LRCH1: variants seen among roughly 807,000 people sequenced by gnomAD.
The protein encoded by LRCH1 is leucine-rich repeat and calponin homology domain-containing protein 1.
LRCH1 carries 23 observed loss-of-function variants against 94.9 expected under a neutral mutation model. The ratio of observed to expected loss-of-function variants is 0.24; its 90% CI spans 0.17 to 0.34. The LOEUF is 0.34. LRCH1 is among the 10% of genes least tolerant of loss of function. The probability of loss-of-function intolerance (pLI) is 1.00; values close to 1 mark genes in which losing one functional copy is unlikely to be tolerated. For missense variants in LRCH1, 790 were observed against 945.9 expected (o/e 0.84, Z 2.16); for synonymous variants, 364 against 354.9 (o/e 1.03, Z -0.29).
chr13:46,555,290 C>A (rs1594239873), intron 1 of LRCH1, among the ~76,000 whole-genome samples: 1 of 152,134 alleles, frequency 6.6e-6, no homozygotes, highest in African/African-American at 2.4e-5. Context: ...TAGAGTGTAC[C>A]GTGAGCTAGC....
At chr13:46,603,887 C>A (rs1234321117) in intron 1 of LRCH1, among the ~76,000 whole-genome samples, 1 of 152,258 alleles carries the variant, frequency 6.6e-6, no homozygotes, top group Non-Finnish European at 1.5e-5. Flanking sequence ...GAACTCCTGG[C>A]CTCAAGCAAT....
intron 1 of LRCH1, among the ~76,000 whole-genome samples, chr13:46,613,343 T>C (rs1481761279): frequency 6.6e-6 from 1 of 151,624 alleles, no homozygotes; most frequent in Non-Finnish European, 1.5e-5. Context: ...TGAGCCAAGA[T>C]TGCGGCTGCA....
chr13:46,702,568 G>A (rs1336109198), intron 11 of LRCH1, among the ~76,000 whole-genome samples: 2 of 152,106 alleles, frequency 1.3e-5, no homozygotes, highest in African/African-American at 4.8e-5. Flanking sequence ...TTCAAGTGGA[G>A]GTAAAAAGGA....
At chr13:46,623,293 G>A (rs2050902177) in intron 1 of LRCH1, among the ~76,000 whole-genome samples, 1 of 152,156 alleles carries the variant, frequency 6.6e-6, no homozygotes, top group South Asian at 2.1e-4. Flanking sequence ...ATTAGAATGT[G>A]TAGACTGAGT....
chr13:46,672,309 G>T (rs1329741004), intron 3 of LRCH1, among the ~76,000 whole-genome samples: 2 of 150,866 alleles, frequency 1.3e-5, no homozygotes, highest in African/African-American at 4.9e-5. Flanking sequence ...TGCAAGTTTT[G>T]CCAATTATGA....
intron 2 of LRCH1, among the ~76,000 whole-genome samples, chr13:46,655,860 G>A (rs896855029): frequency 6.6e-6 from 1 of 152,198 alleles, no homozygotes. Flanking sequence ...AAGTCGTGGT[G>A]AGTGCTTTTA....
At chr13:46,575,544 G>GTGTGT (rs765405448) in intron 1 of LRCH1, among the ~76,000 whole-genome samples, 1 of 150,356 alleles carries the variant, frequency 6.7e-6, no homozygotes, top group Non-Finnish European at 1.5e-5. Flanking sequence ...GTGTGTGTGT[G>GTGTGT]TTGTGGGGGG....
At chr13:46,714,421 C>T (rs568137494) in intron 15 of LRCH1, among the ~76,000 whole-genome samples, 1 of 152,210 alleles carries the variant, frequency 6.6e-6, no homozygotes, top group East Asian at 1.9e-4. Flanking sequence ...ATACAGTAAT[C>T]TTAACTGGAA....
At chr13:46,670,007 C>G (rs2051576334) in intron 3 of LRCH1, among the ~76,000 whole-genome samples, 1 of 152,212 alleles carries the variant, frequency 6.6e-6, no homozygotes, top group Non-Finnish European at 1.5e-5. Context: ...TTTGTGCCAA[C>G]TCCTCTGGGG....
chr13:46,617,349 C>A (rs1043049242), intron 1 of LRCH1, among the ~76,000 whole-genome samples: 2 of 152,190 alleles, frequency 1.3e-5, no homozygotes, highest in African/African-American at 4.8e-5. Flanking sequence ...GCTGTGTGGG[C>A]AAGTCACTTC....
At chr13:46,614,552 A>T (rs958597682) in intron 1 of LRCH1, among the ~76,000 whole-genome samples, 9 of 152,226 alleles carry the variant, frequency 5.9e-5, no homozygotes, top group Non-Finnish European at 1.3e-4. Context: ...AACTTTTTTT[A>T]AAAAGTTTTA....
intron 1 of LRCH1, among the ~76,000 whole-genome samples, chr13:46,635,877 C>T (rs2051081197): frequency 6.6e-6 from 1 of 152,032 alleles, no homozygotes. Context: ...TACAAACATG[C>T]TGATTTCTTC....
chr13:46,703,756 T>C (rs1871608892), intron 11 of LRCH1, among the ~76,000 whole-genome samples: 1 of 152,174 alleles, frequency 6.6e-6, no homozygotes, highest in Non-Finnish European at 1.5e-5. Flanking sequence ...AAAAAGTATA[T>C]AACTTTTTTA....
intron 3 of LRCH1, among the ~76,000 whole-genome samples, chr13:46,675,008 G>T (rs538745823): frequency 6.6e-6 from 1 of 152,166 alleles, no homozygotes; most frequent in Non-Finnish European, 1.5e-5. Flanking sequence ...AAAAAAAAAG[G>T]TTTGGTACAA....
intron 5 of LRCH1, among the ~76,000 whole-genome samples, chr13:46,687,214 C>A (rs1019711220): frequency 6.6e-6 from 1 of 152,082 alleles, no homozygotes; most frequent in Non-Finnish European, 1.5e-5. Flanking sequence ...CCGCCTTGGC[C>A]TCCCAAAATA....
rs1208494049 is a variant in LRCH1 at position 46,715,640 on chromosome 13, C to T, written c.1735C>T (p.Pro579Ser). 2.0e-6 allele frequency: 3 copies of T among 1,536,470 alleles called. No homozygotes were observed. The highest frequency in any genetic ancestry group is 2.4e-5 in the East Asian group (1 of 40,922). ...ATGGGACAGCTCTAGCTACAGTGTT[C>T]CATCTGAAGGAGACAGTGACAATGG... is the stretch of plus-strand genomic sequence containing the variant. ...QTWDSSSYSV[P>S]SEGDSDNVFL... The change falls in exon 16 of 20, where the codon CCA becomes TCA. Residue 579 changes from proline (P) to serine (S), a missense_variant. This residue lies in a region of LRCH1 where 460 missense variants were observed against 508.9 expected (regional missense o/e 0.90). Transcript: ENST00000389797.
chr13:46,571,747 G>A (rs1431345178), intron 1 of LRCH1, among the ~76,000 whole-genome samples: 1 of 152,220 alleles, frequency 6.6e-6, no homozygotes, highest in Non-Finnish European at 1.5e-5. Flanking sequence ...TTGGGTGACT[G>A]TAGGCAATTC....
intron 1 of LRCH1, among the ~76,000 whole-genome samples, chr13:46,638,453 T>C (rs1778989831): frequency 6.6e-6 from 1 of 152,228 alleles, no homozygotes; most frequent in South Asian, 2.1e-4. Flanking sequence ...TAATACCATA[T>C]GGTATAAATT....
intron 1 of LRCH1, among the ~76,000 whole-genome samples, chr13:46,647,813 G>A (rs538048616): frequency 1.7e-4 from 16 of 96,046 alleles, no homozygotes; most frequent in Admixed American, 5.1e-4. Flanking sequence ...TTTTTTTTTC[G>A]TTGTAAATGG....
Sources: gnomAD v4.1 joint callset for allele counts (sites outside exome capture counted in the v4.1 genomes callset) on GRCh38, gnomAD v4.1.1 for gene constraint, gnomAD v4.1.1 regional missense constraint, MANE v1.5 for transcripts, NCBI Gene and HGNC (gene_info 2026-07-23, HGNC 2026-07-21) for gene names.